NEMP2: variants seen among roughly 807,000 people sequenced by gnomAD.
The protein encoded by NEMP2 is UPF0571 transmembrane protein.
NEMP2 carries 53 observed loss-of-function variants against 54.2 expected under a neutral mutation model. The ratio of observed to expected loss-of-function variants is 0.98; its 90% confidence interval spans 0.78 to 1.23. The LOEUF is 1.23. Among genes scored for constraint, NEMP2 ranks in the 50% most tolerant of loss-of-function variants. The pLI is 0.00. For synonymous variants in NEMP2, 197 were observed against 190.3 expected (o/e 1.04, Z -0.29); for missense variants, 455 against 511.3 (o/e 0.89, Z 1.06).
the NEMP2 span, among the ~76,000 whole-genome samples, chr2:190,480,418 T>C: frequency 6.6e-6 from 1 of 152,220 alleles, no homozygotes; most frequent in Non-Finnish European, 1.5e-5. Flanking sequence ...TTTTGAATGA[T>C]ATAAGAAATT....
chr2:190,542,870 TG>T, the NEMP2 span, among the ~76,000 whole-genome samples: 1 of 152,218 alleles, frequency 6.6e-6, no homozygotes, highest in African/African-American at 2.4e-5. This position sits in a 1 kb window ranked among gnomAD's most constrained non-coding sequence, Gnocchi z 4.6. Flanking sequence ...GCACTGTTTT[TG>T]TAGGTTTAGT....
At chr2:190,581,043 G>C in the NEMP2 span, among the ~76,000 whole-genome samples, 1 of 152,124 alleles carries the variant, frequency 6.6e-6, no homozygotes, top group Non-Finnish European at 1.5e-5. Context: ...ACTATACTAA[G>C]AATATAAGAA....
chr2:190,536,054 G>A (rs1342623999), upstream of NEMP2: 4 of 152,210 alleles, frequency 2.6e-5, no homozygotes, highest in Non-Finnish European at 4.4e-5. Flanking sequence ...AGGGCAGGCA[G>A]CAATGTACTA....
chr2:190,431,579 C>G, the NEMP2 span, among the ~76,000 whole-genome samples: 1 of 152,210 alleles, frequency 6.6e-6, no homozygotes, highest in Non-Finnish European at 1.5e-5. This position sits in a 1 kb window ranked among gnomAD's most constrained non-coding sequence, Gnocchi z 4.4. Flanking sequence ...GCGGCGCGCG[C>G]CTGCAATCGC....
chr2:190,477,170 G>A, the NEMP2 span: 28 of 759,608 alleles, frequency 3.7e-5, no homozygotes, highest in African/African-American at 2.1e-4. Context: ...AAACCTGCAC[G>A]TTGTGCACAT....
intron 7 of NEMP2, among the ~76,000 whole-genome samples, chr2:190,511,675 C>G (rs1490259477): frequency 6.6e-6 from 1 of 150,822 alleles, no homozygotes; most frequent in Non-Finnish European, 1.5e-5. Context: ...CTGCCTCACC[C>G]TCCTGAGTAG....
the NEMP2 span, among the ~76,000 whole-genome samples, chr2:190,639,773 T>C: frequency 1.3e-5 from 2 of 152,042 alleles, no homozygotes; most frequent in African/African-American, 4.8e-5. Flanking sequence ...TTCAGCCTCC[T>C]GAGGAGCTGG....
chr2:190,570,521 T>C, the NEMP2 span, among the ~76,000 whole-genome samples: 3 of 152,224 alleles, frequency 2.0e-5, no homozygotes, highest in African/African-American at 4.8e-5. This position sits in a 1 kb window ranked among gnomAD's most constrained non-coding sequence, Gnocchi z 5.4. Context: ...GTAATCTTCT[T>C]AGCAGGAAGC....
the NEMP2 span, among the ~76,000 whole-genome samples, chr2:190,614,513 T>C: frequency 2.6e-3 from 399 of 152,300 alleles, no homozygotes; most frequent in Non-Finnish European, 2.6e-3. This position sits in a 1 kb window ranked among gnomAD's most constrained non-coding sequence, Gnocchi z 5.7. Flanking sequence ...TACATAAAGA[T>C]ATCTTGGATG....
chr2:190,423,024 C>T, the NEMP2 span, among the ~76,000 whole-genome samples: 2 of 152,160 alleles, frequency 1.3e-5, no homozygotes, highest in East Asian at 1.9e-4. The surrounding 1 kb of genome is among the most constrained non-coding windows in gnomAD (Gnocchi z 4.3). Context: ...CTTCTAGTCA[C>T]TATCTCCCTT....
the NEMP2 span, among the ~76,000 whole-genome samples, chr2:190,585,079 G>A: frequency 1.3e-5 from 2 of 152,204 alleles, no homozygotes; most frequent in East Asian, 3.8e-4. The surrounding 1 kb of genome is among the most constrained non-coding windows in gnomAD (Gnocchi z 5.3). Flanking sequence ...CCATGGCACA[G>A]GCACTGCAGG....
the NEMP2 span, among the ~76,000 whole-genome samples, chr2:190,447,967 G>C: frequency 4.6e-5 from 7 of 152,238 alleles, no homozygotes; most frequent in South Asian, 1.5e-3. The surrounding 1 kb of genome is among the most constrained non-coding windows in gnomAD (Gnocchi z 4.5). Context: ...AGAAGAAAAG[G>C]CCATTGTTGC....
the NEMP2 span, chr2:190,463,712 TG>T: frequency 5.3e-6 from 1 of 187,982 alleles, no homozygotes; most frequent in African/African-American, 2.4e-5. This position sits in a 1 kb window ranked among gnomAD's most constrained non-coding sequence, Gnocchi z 4.4. Context: ...CCCAGCTACT[TG>T]GGGGGCTGAG....
chr2:190,429,632 A>T, the NEMP2 span, among the ~76,000 whole-genome samples: 3 of 152,258 alleles, frequency 2.0e-5, no homozygotes, highest in Non-Finnish European at 4.4e-5. Context: ...CTTAATTTTA[A>T]TGTAGTTCAA....
chr2:190,431,465 G>A, the NEMP2 span, among the ~76,000 whole-genome samples: 1 of 152,246 alleles, frequency 6.6e-6, no homozygotes, highest in Non-Finnish European at 1.5e-5. The surrounding 1 kb of genome is among the most constrained non-coding windows in gnomAD (Gnocchi z 4.4). Flanking sequence ...CACCTCTGGA[G>A]GCCGAGGCTG....
At chr2:190,642,547 T>G in the NEMP2 span, among the ~76,000 whole-genome samples, 1 of 152,170 alleles carries the variant, frequency 6.6e-6, no homozygotes, top group Non-Finnish European at 1.5e-5. This position sits in a 1 kb window ranked among gnomAD's most constrained non-coding sequence, Gnocchi z 4.1. Flanking sequence ...GTTTATAATC[T>G]CTATATATTT....
the NEMP2 span, chr2:190,607,517 TAC>T: frequency 1.3e-5 from 2 of 152,336 alleles, no homozygotes; most frequent in South Asian, 4.1e-4. The surrounding 1 kb of genome is among the most constrained non-coding windows in gnomAD (Gnocchi z 5.2). Flanking sequence ...TGAGAAATGC[TAC>T]AGTCTAGCCC....
chr2:190,565,602 C>T, the NEMP2 span, among the ~76,000 whole-genome samples: 1 of 152,124 alleles, frequency 6.6e-6, no homozygotes, highest in Non-Finnish European at 1.5e-5. Context: ...CACCCAGCCC[C>T]ACGAGGAGCA....
In NEMP2 at chr2:190,510,419, A is replaced by C; in HGVS notation, c.1072T>G (p.Cys358Gly). The C allele has an allele frequency of 6.4e-7, 1 of 1,551,736 alleles. No homozygotes were observed. Among genetic ancestry groups the C allele is most frequent in the South Asian group, 1.2e-5 (1 of 84,054 alleles). ...CATGAGGGAAAGTCGGGTTTTCGGC[A>C]GGCCCGGCGTAGCTCCTCCAGAGCA... ...NSALEELRRA[C>G]RKPDFPSWLV... Residue 358 changes from cysteine (C) to glycine (G), a missense_variant, in exon 8 of 9, where the codon TGC (cysteine) becomes GGC (glycine). This residue lies in a region of NEMP2 where 294 missense variants were observed against 333.6 expected (regional missense o/e 0.88). Transcript: ENST00000409150. This position sits in a 1 kb window ranked among gnomAD's most constrained non-coding sequence, Gnocchi z 5.7.
Sources: allele counts gnomAD v4.1 joint callset (sites outside exome capture counted in the v4.1 genomes callset), GRCh38; gene constraint gnomAD v4.1.1; regional missense constraint gnomAD v4.1.1; non-coding constraint Gnocchi (gnomAD v3.1); transcripts MANE v1.5; gene names NCBI Gene and HGNC (gene_info 2026-07-23, HGNC 2026-07-21).